The following SLC24A2 variants were observed in gnomAD, a reference collection of about 807,000 sequenced individuals.
SLC24A2 encodes sodium/potassium/calcium exchanger 2.
A neutral mutation model predicts 62.0 loss-of-function variants in SLC24A2; 36 were observed. The observed-to-expected ratio is 0.58, with a 90% CI of 0.44 to 0.77. The LOEUF is 0.77. Among genes scored for constraint, SLC24A2 ranks in the 30% least tolerant of loss-of-function variants. The pLI, the probability that SLC24A2 is intolerant of heterozygous loss-of-function variation, is 0.00. For synonymous variants in SLC24A2, 358 were observed against 294.0 expected (o/e 1.22, Z -2.23); for missense variants, 846 against 817.9 (o/e 1.03, Z -0.42).
Position 19,550,344 on chromosome 9 carries a change from A to C in SLC24A2, c.1348-76T>G, listed in dbSNP as rs1834783714. 7.6e-6 allele frequency: 11 copies of C among 1,452,080 alleles called. 2 individuals are homozygous for C. In the South Asian group the frequency reaches 1.3e-4, roughly 17 times the overall value. The allele number at this position is 1,452,080 out of a possible 1,614,324, so 89.9% of individuals were successfully genotyped here. Reference sequence around the variant, plus strand: ...ACAGGCACAACAACAGGAGCACAGAACAAAGGGGAAGCTCCATGTCTTATC... The same window carrying C: ...ACAGGCACAACAACAGGAGCACAGACCAAAGGGGAAGCTCCATGTCTTATC... On this transcript the variant is annotated intron_variant, in intron 7 of 10. Transcript: ENST00000341998.
intron 2 of SLC24A2, among the ~76,000 whole-genome samples, chr9:19,760,072 A>T (rs188816670): frequency 9.2e-5 from 14 of 152,288 alleles, no homozygotes; most frequent in Admixed American, 3.3e-4. Context: ...TTTTCAATCA[A>T]ATTTTGGAAA....
At chr9:19,907,742 A>T in the SLC24A2 span, among the ~76,000 whole-genome samples, 1 of 152,224 alleles carries the variant, frequency 6.6e-6, no homozygotes, top group Non-Finnish European at 1.5e-5. Flanking sequence ...CAATTGCTTC[A>T]AAGAGAATAA....
At chr9:20,154,364 G>C in the SLC24A2 span, among the ~76,000 whole-genome samples, 1 of 151,810 alleles carries the variant, frequency 6.6e-6, no homozygotes, top group Non-Finnish European at 1.5e-5. Context: ...ATTCAATGGA[G>C]CACTTCATGT....
chr9:19,735,113 T>C (rs1460100747), intron 2 of SLC24A2, among the ~76,000 whole-genome samples: 2 of 152,092 alleles, frequency 1.3e-5, no homozygotes, highest in Admixed American at 6.6e-5. Flanking sequence ...TCTATCCATC[T>C]GACAATGGGC....
chr9:19,876,341 A>C, the SLC24A2 span, among the ~76,000 whole-genome samples: 6 of 151,068 alleles, frequency 4.0e-5, no homozygotes, highest in African/African-American at 1.2e-4. Context: ...ATGGATTGAC[A>C]TTAAAATGTA....
chr9:19,646,916 C>A (rs960591979), intron 2 of SLC24A2, among the ~76,000 whole-genome samples: 4 of 152,062 alleles, frequency 2.6e-5, no homozygotes, highest in African/African-American at 9.7e-5. Flanking sequence ...CATTACTTAA[C>A]TGGAATACTA....
At chr9:20,176,545 A>C in the SLC24A2 span, among the ~76,000 whole-genome samples, 1 of 152,110 alleles carries the variant, frequency 6.6e-6, no homozygotes, top group Non-Finnish European at 1.5e-5. Context: ...ATAAACTCGG[A>C]AAGGGACTGG....
At position 19,548,217 on chromosome 9, in the gene SLC24A2, T is replaced by C. The variant is rs558566946; in HGVS notation, c.1479+1920A>G. Among the ~76,000 whole-genome samples the C allele has an allele frequency of 2.7e-5, 4 of 147,838 alleles. No homozygotes were observed. In the South Asian group the frequency reaches 6.2e-4, roughly 23 times the overall value. ...GCTCTTGAAGACTTATGATAAATTA[T>C]GCTGGAAGTTATCAAAATATTCTAT... On this transcript the variant is annotated intron_variant, in intron 8 of 10. Coordinates refer to ENST00000341998, the MANE Select transcript of SLC24A2 (RefSeq NM_020344.4).
chr9:19,899,835 T>A, the SLC24A2 span, among the ~76,000 whole-genome samples: 1 of 152,040 alleles, frequency 6.6e-6, no homozygotes, highest in Non-Finnish European at 1.5e-5. Context: ...CCATCAGAAT[T>A]CACTCATTAT....
At chr9:20,236,188 T>G in the SLC24A2 span, among the ~76,000 whole-genome samples, 1 of 152,348 alleles carries the variant, frequency 6.6e-6, no homozygotes, top group South Asian at 2.1e-4. Flanking sequence ...AAAGAAATCA[T>G]TTCTCCAAAA....
At chr9:19,877,020 A>T in the SLC24A2 span, among the ~76,000 whole-genome samples, 5 of 152,146 alleles carry the variant, frequency 3.3e-5, no homozygotes, top group African/African-American at 1.2e-4. Context: ...TTTGGACAAT[A>T]TGGGAGCTAA....
At chr9:20,041,162 G>A in the SLC24A2 span, among the ~76,000 whole-genome samples, 3 of 149,004 alleles carry the variant, frequency 2.0e-5, no homozygotes, top group Non-Finnish European at 3.0e-5. Flanking sequence ...GCGTGCGCGC[G>A]TGCGCACGTG....
the SLC24A2 span, among the ~76,000 whole-genome samples, chr9:19,953,261 T>C: frequency 2.0e-5 from 3 of 152,066 alleles, 1 homozygote; most frequent in South Asian, 6.2e-4. Flanking sequence ...ATATTCCTTC[T>C]CCTGCACAGC....
At chr9:20,065,657 T>TA in the SLC24A2 span, among the ~76,000 whole-genome samples, 7 of 152,214 alleles carry the variant, frequency 4.6e-5, no homozygotes, top group Non-Finnish European at 8.8e-5. Context: ...TTATACATTA[T>TA]ACCTATATAC....
the SLC24A2 span, among the ~76,000 whole-genome samples, chr9:20,246,586 G>A: frequency 1.1e-3 from 171 of 152,298 alleles, no homozygotes; most frequent in Non-Finnish European, 1.9e-3. Context: ...TTAATGAGAA[G>A]ACTACAGTAA....
chr9:20,004,896 C>A, the SLC24A2 span, among the ~76,000 whole-genome samples: 1 of 151,282 alleles, frequency 6.6e-6, no homozygotes, highest in African/African-American at 2.4e-5. Context: ...AACTTGAAAA[C>A]AATATCACTT....
chr9:20,218,542 G>A, the SLC24A2 span, among the ~76,000 whole-genome samples: 1 of 152,068 alleles, frequency 6.6e-6, no homozygotes, highest in Non-Finnish European at 1.5e-5. Flanking sequence ...TCTTAAGTGA[G>A]GGGTTTCTAA....
intron 8 of SLC24A2, among the ~76,000 whole-genome samples, chr9:19,547,608 C>T (rs953098063): frequency 6.8e-6 from 1 of 147,824 alleles, no homozygotes; most frequent in South Asian, 2.1e-4. Context: ...TTCTGAGAGT[C>T]AAGGGCCTTG....
At chr9:19,597,317 G>A (rs1456634741) in intron 4 of SLC24A2, 38 bp from the exon 5 acceptor site, 25 of 1,283,924 alleles carry the variant, frequency 1.9e-5, no homozygotes, top group Non-Finnish European at 2.5e-5. Context: ...GATAAGGAAC[G>A]AGCTATAATG....
Sources: allele counts gnomAD v4.1 joint callset (sites outside exome capture counted in the v4.1 genomes callset), GRCh38; gene constraint gnomAD v4.1.1; transcripts MANE v1.5; gene names NCBI Gene and HGNC (gene_info 2026-07-23, HGNC 2026-07-21).